Variants in SLC2A13 observed in about 807,000 individuals in gnomAD.
SLC2A13 encodes proton myo-inositol cotransporter.
Under a neutral mutation model 64.4 loss-of-function variants are expected in SLC2A13, and 32 were observed. That is an observed-to-expected ratio of 0.50 (90% CI 0.37 to 0.67). The LOEUF (loss-of-function observed/expected upper bound fraction) is 0.67. Ranked by LOEUF, SLC2A13 falls within the 30% of genes least tolerant of loss-of-function variation. The probability of loss-of-function intolerance (pLI) is 0.00; values close to 1 mark genes in which losing one functional copy is unlikely to be tolerated. For missense variants in SLC2A13, 743 were observed against 829.2 expected (o/e 0.90, Z 1.28); for synonymous variants, 338 against 327.1 (o/e 1.03, Z -0.36).
rs11312316 is a variant in SLC2A13 at position 39,871,485 on chromosome 12, G to GA, written c.1198+312dup. ...GTTTTTAGTTTTTCAAAAAAGGATA[G>GA]AAAAAAAAAACAATTATTTTTTTTC... On this transcript the variant is annotated intron_variant, in intron 5 of 9. Coordinates refer to ENST00000280871, the MANE Select transcript of SLC2A13 (RefSeq NM_052885.4). 1.3e-3 allele frequency among the ~76,000 whole-genome samples: 191 copies of GA among 150,466 alleles called. 2 individuals are homozygous for GA. The highest frequency in any genetic ancestry group is 4.0e-3 in the African/African-American group (164 of 41,182).
intron 6 of SLC2A13, among the ~76,000 whole-genome samples, chr12:39,832,689 T>A (rs1433554796): frequency 7.0e-6 from 1 of 142,180 alleles, no homozygotes; most frequent in Non-Finnish European, 1.5e-5. Context: ...CTCCTGATGA[T>A]CACCAGTTAA....
intron 1 of SLC2A13, among the ~76,000 whole-genome samples, chr12:40,087,603 C>A (rs190199524): frequency 2.8e-3 from 422 of 152,208 alleles, no homozygotes; most frequent in African/African-American, 9.8e-3. Context: ...AAATAAATAT[C>A]TACTATGTGC....
intron 3 of SLC2A13, among the ~76,000 whole-genome samples, chr12:39,993,816 A>G (rs968767088): frequency 3.9e-5 from 6 of 152,246 alleles, no homozygotes; most frequent in African/African-American, 1.2e-4. Context: ...TCAAAAGCCT[A>G]CAAATATTTC....
At chr12:39,765,054 C>G (rs555840363) in intron 7 of SLC2A13, among the ~76,000 whole-genome samples, 196 bp from the exon 8 acceptor site, 2 of 152,026 alleles carry the variant, frequency 1.3e-5, no homozygotes, top group South Asian at 2.1e-4. Flanking sequence ...AAGTATAATT[C>G]AAGAGCAAAA....
chr12:40,032,780 C>G (rs747833885), intron 2 of SLC2A13, among the ~76,000 whole-genome samples: 1 of 152,196 alleles, frequency 6.6e-6, no homozygotes, highest in African/African-American at 2.4e-5. Context: ...ATGTAACTAA[C>G]GACAATAATC....
At chr12:39,915,047 A>G (rs1030876903) in intron 4 of SLC2A13, among the ~76,000 whole-genome samples, 1 of 151,978 alleles carries the variant, frequency 6.6e-6, no homozygotes, top group African/African-American at 2.4e-5. Flanking sequence ...CACATTTTCA[A>G]TTTATCAAGA....
intron 4 of SLC2A13, among the ~76,000 whole-genome samples, chr12:39,923,338 C>T (rs1368394078): frequency 6.6e-6 from 1 of 152,154 alleles, no homozygotes; most frequent in Non-Finnish European, 1.5e-5. Flanking sequence ...GAACAAAGTT[C>T]TGATACATGC....
chr12:40,029,303 G>A (rs1378529684), intron 2 of SLC2A13, among the ~76,000 whole-genome samples: 1 of 151,922 alleles, frequency 6.6e-6, no homozygotes, highest in Non-Finnish European at 1.5e-5. Context: ...ACATCTCTAA[G>A]GCCTCCATCT....
At position 40,048,127 on chromosome 12, in the gene SLC2A13, G is replaced by C. The variant is rs1948197980; in HGVS notation, c.640C>G (p.Leu214Val). 6.2e-7 allele frequency: 1 copy of C among 1,613,588 alleles called. No individual in the cohort carries two copies. The stretch of plus-strand genomic sequence containing the variant: ...AAGAACTGCCCTCCTGTGATGAAGA[G>C]GGTATTAATGGTGACTAATCGGCCT... ...LRGRLVTINT[L>V]FITGGQFFAS... is the part of the protein sequence containing the mutation. Residue 214 changes from leucine to valine, a missense_variant, in exon 2 of 10, where the codon CTC becomes GTC. Physicochemically the swap from Leu to Val is conservative, Grantham distance 32. This residue lies in a region of SLC2A13 where 448 missense variants were observed against 447.4 expected (regional missense o/e 1.00). Coordinates refer to ENST00000280871, the MANE Select transcript of SLC2A13 (RefSeq NM_052885.4).
intron 7 of SLC2A13, among the ~76,000 whole-genome samples, chr12:39,813,826 A>G (rs1349945094): frequency 6.6e-6 from 1 of 152,216 alleles, no homozygotes; most frequent in African/African-American, 2.4e-5. Flanking sequence ...GTAATTGGGA[A>G]TATTAACTGA....
At chr12:39,888,885 T>C (rs1944532137) in intron 4 of SLC2A13, among the ~76,000 whole-genome samples, 1 of 152,196 alleles carries the variant, frequency 6.6e-6, no homozygotes, top group African/African-American at 2.4e-5. Flanking sequence ...CTGTTTATAT[T>C]TCAATAAAAA....
chr12:40,038,099 A>T (rs1948020564), intron 2 of SLC2A13, among the ~76,000 whole-genome samples: 1 of 151,972 alleles, frequency 6.6e-6, no homozygotes, highest in Admixed American at 6.6e-5. Context: ...CTGACTTTAA[A>T]CCTTTCCTCT....
chr12:39,799,022 C>G (rs928526076), intron 7 of SLC2A13, among the ~76,000 whole-genome samples: 1 of 150,522 alleles, frequency 6.6e-6, no homozygotes, highest in South Asian at 2.1e-4. Flanking sequence ...TCCCCATTAT[C>G]CCCACTTCAG....
In SLC2A13 at chr12:39,895,838, GCACACACA is replaced by G. The variant is rs1565526598; in HGVS notation, c.1035-23885_1035-23878del. On this transcript the variant is annotated intron_variant, in intron 4 of 9. Transcript: ENST00000280871. ...TACACACATGTATATGCGTGTATAT[GCACACACA>G]TATGTATATGCGTGTATATGCACAC... Among the ~76,000 whole-genome samples the G allele has an allele frequency of 3.0e-3, 255 of 86,028 alleles. 64 individuals are homozygous for G. In the East Asian group the frequency reaches 0.042, roughly 14 times the overall value. 56.4% of individuals were successfully genotyped at this position (86,028 alleles called of 152,430 possible). A position where few individuals can be genotyped will look rare whatever the true frequency, so the allele number is the denominator to read the frequency against.
At chr12:40,093,117 C>T (rs1180469168) in intron 1 of SLC2A13, among the ~76,000 whole-genome samples, 1 of 152,176 alleles carries the variant, frequency 6.6e-6, no homozygotes, top group Non-Finnish European at 1.5e-5. Flanking sequence ...TTTAGGTTCC[C>T]TAGATACATG....
At chr12:39,993,167 T>C (rs1947168933) in intron 3 of SLC2A13, among the ~76,000 whole-genome samples, 1 of 152,208 alleles carries the variant, frequency 6.6e-6, no homozygotes, top group Non-Finnish European at 1.5e-5. Flanking sequence ...ATATAAAACG[T>C]TTTATTTCAT....
chr12:39,809,560 G>A lies in SLC2A13; in HGVS notation c.1445+20543C>T, dbSNP rs546086515. ...TAGGGTACATGTGCACAACGTGCAGGTTTGTTACATATGTACACATGTGCC... is the reference window on the plus strand; with the variant it reads ...TAGGGTACATGTGCACAACGTGCAGATTTGTTACATATGTACACATGTGCC... On this transcript the variant is annotated intron_variant, in intron 7 of 9. Coordinates refer to ENST00000280871, the MANE Select transcript of SLC2A13 (RefSeq NM_052885.4). Among the ~76,000 whole-genome samples, 643 of 152,178 alleles carry A rather than the reference G, an allele frequency of 4.2e-3. 3 individuals carry two copies. The highest frequency in any genetic ancestry group is 0.014 in the African/African-American group (592 of 41,536).
chr12:39,800,463 G>A (rs1264655791), intron 7 of SLC2A13, among the ~76,000 whole-genome samples: 3 of 139,208 alleles, frequency 2.2e-5, no homozygotes, highest in Non-Finnish European at 4.6e-5. Context: ...CTCAAAAGAA[G>A]ACATTTATGC....
chr12:40,027,969 G>T (rs1163283726), intron 3 of SLC2A13, among the ~76,000 whole-genome samples: 1 of 151,960 alleles, frequency 6.6e-6, no homozygotes, highest in Admixed American at 6.6e-5. Context: ...ATGGAAAGAG[G>T]GAAACACAAA....
Sources: allele counts gnomAD v4.1 joint callset (sites outside exome capture counted in the v4.1 genomes callset), GRCh38; gene constraint gnomAD v4.1.1; regional missense constraint gnomAD v4.1.1; transcripts MANE v1.5; gene names NCBI Gene and HGNC (gene_info 2026-07-23, HGNC 2026-07-21).